PLAT: variants seen among roughly 807,000 people sequenced by gnomAD.
PLAT encodes tissue-type plasminogen activator.
Under a neutral mutation model 74.9 loss-of-function variants are expected in PLAT, and 48 were observed. The ratio of observed to expected loss-of-function variants is 0.64; its 90% CI spans 0.51 to 0.82. The LOEUF (loss-of-function observed/expected upper bound fraction) is 0.82. PLAT is among the 40% of genes least tolerant of loss of function. The pLI is 0.00. For missense variants in PLAT, 673 were observed against 736.2 expected, an observed-to-expected ratio of 0.91 and a Z score of 0.99; for synonymous variants, 307 against 294.4, an observed-to-expected ratio of 1.04 and a Z score of -0.44.
chr8:42,183,507 A>G (rs765321773), intron 7 of PLAT, among the ~76,000 whole-genome samples: 27 of 152,138 alleles, frequency 1.8e-4, no homozygotes, highest in Non-Finnish European at 3.4e-4. Context: ...GTTACTTAAC[A>G]GGCTGCAGTG....
chr8:42,176,776 C>T (rs529168579), intron 13 of PLAT, among the ~76,000 whole-genome samples: 12 of 152,212 alleles, frequency 7.9e-5, no homozygotes, highest in African/African-American at 2.9e-4. Context: ...CTATTATGGC[C>T]GCCATCATTC....
At position 42,202,090 on chromosome 8, in the gene PLAT, G is replaced by A. The variant is rs1806152580; in HGVS notation, c.-27+5404C>T. Among the ~76,000 whole-genome samples the A allele has an allele frequency of 1.3e-5, 2 of 152,110 alleles. 1 individual carries two copies. Among genetic ancestry groups the A allele is most frequent in the South Asian group, 4.1e-4 (2 of 4,828 alleles). On this transcript the variant is annotated intron_variant, in intron 1 of 13. Transcript: ENST00000220809. ...ACTGGAGTGCAGTGGCGTGATCACA[G>A]CTCACTGCAGTTTCAACCTCCCTGG...
At chr8:42,187,713 A>G (rs1482083694) in intron 5 of PLAT, 141 bp from the exon 6 acceptor site, 4 of 863,086 alleles carry the variant, frequency 4.6e-6, no homozygotes, top group African/African-American at 1.7e-5. Context: ...CAAGGGTGCC[A>G]GCCTGGATTC....
chr8:42,206,189 AT>A (rs1563266647), intron 1 of PLAT, among the ~76,000 whole-genome samples: 1 of 152,176 alleles, frequency 6.6e-6, no homozygotes, highest in Non-Finnish European at 1.5e-5. Flanking sequence ...GGCAGCTTTC[AT>A]TTGCTCCTGA....
chr8:42,182,880 G>A lies in PLAT; in HGVS notation c.642C>T (p.Asp214=). The A allele has an allele frequency of 6.2e-7, 1 of 1,606,490 alleles. No homozygotes were observed. The highest frequency in any genetic ancestry group is 1.7e-5 in the Admixed American group (1 of 57,366). ...STPACSEGNS[D]CYFGNGSAYR... ...AGGCTGACCCATTCCCAAAGTAGCA[G>A]TCACTGTTTCCTAGAAGAAAAGAAT... Residue 214 remains aspartate, a synonymous_variant, in exon 8 of 14, where the codon GAC becomes GAT. Coordinates refer to ENST00000220809, the MANE Select transcript of PLAT (RefSeq NM_000930.5).
At chr8:42,196,871 G>A (rs1194778393) in intron 1 of PLAT, among the ~76,000 whole-genome samples, 1 of 151,506 alleles carries the variant, frequency 6.6e-6, no homozygotes, top group African/African-American at 2.4e-5. Flanking sequence ...AGGAAGGAAG[G>A]GGGTAGGAAG....
rs1805148310 is a variant in PLAT at position 42,179,913 on chromosome 8, TC to T, written c.1363+12del. On this transcript the variant is annotated intron_variant, in intron 12 of 13. Coordinates refer to ENST00000220809, the MANE Select transcript of PLAT (RefSeq NM_000930.5). ...CCGCAGACAGGATGGGGCCGAGACTTCCTTCCACTTACAGGCCTCATGCTTG... is the reference window on the plus strand; with the variant it reads ...CCGCAGACAGGATGGGGCCGAGACTTCTTCCACTTACAGGCCTCATGCTTG... 1.9e-6 allele frequency: 3 copies of T among 1,570,658 alleles called. No individual in the cohort carries two copies. Among genetic ancestry groups the T allele is most frequent in the African/African-American group, 1.3e-5 (1 of 74,100 alleles).
intron 3 of PLAT, among the ~76,000 whole-genome samples, chr8:42,190,616 A>G (rs1805646736): frequency 6.6e-6 from 1 of 152,192 alleles, no homozygotes. Context: ...AGGCATTAAG[A>G]GTCCAGGTGT....
intron 12 of PLAT, 44 bp downstream of exon 12, chr8:42,179,882 G>C (rs1325465594): frequency 1.3e-6 from 2 of 1,512,698 alleles, no homozygotes; most frequent in East Asian, 2.3e-5. Flanking sequence ...AGCCTCCCCT[G>C]CTGTCCCGCA....
rs113990683 is a variant in PLAT, at chr8:42,202,186, ATT to A, written c.-27+5306_-27+5307del. Among the ~76,000 whole-genome samples, 42 of 140,684 alleles carry A rather than the reference ATT, an allele frequency of 3.0e-4. 1 individual carries two copies. Among genetic ancestry groups the A allele is most frequent in the African/African-American group, 9.8e-4 (38 of 38,672 alleles). The allele number at this position is 140,684 out of a possible 152,430, so 92.3% of individuals were successfully genotyped here. A position where few individuals can be genotyped will look rare whatever the true frequency, so the allele number is the denominator to read the frequency against. On this transcript the variant is annotated intron_variant, in intron 1 of 13. Transcript: ENST00000220809. ...AGGTGCGTGCCACCATGTCTGGCTAATTTTTTTTTTTTTTTCATTTTTTTGTA... is the reference window on the plus strand; with the variant it reads ...AGGTGCGTGCCACCATGTCTGGCTAATTTTTTTTTTTTTCATTTTTTTGTA...
At chr8:42,194,433 A>G (rs1186097338) in intron 1 of PLAT, among the ~76,000 whole-genome samples, 3 of 151,904 alleles carry the variant, frequency 2.0e-5, no homozygotes, top group Non-Finnish European at 2.9e-5. Flanking sequence ...ATAATACTCC[A>G]CTGTGGGATA....
Position 42,181,945 on chromosome 8 carries a change from G to T in PLAT, c.881C>A (p.Pro294His). The T allele has an allele frequency of 6.2e-7, 1 of 1,606,340 alleles. No homozygotes were observed. The highest frequency in any genetic ancestry group is 8.5e-7 in the Non-Finnish European group (1 of 1,172,892). ...CGGGGCCCAGCCCTTACAGCAGGAGGGCACATCACAGTACTCCCACGTCAG... is the reference window on the plus strand; with the variant it reads ...CGGGGCCCAGCCCTTACAGCAGGAGTGCACATCACAGTACTCCCACGTCAG... ...RRLTWEYCDVPSCSTCGLRQY... is the reference protein window; with the variant it reads ...RRLTWEYCDVHSCSTCGLRQY... The change falls in exon 9 of 14, where the codon CCC (proline) becomes CAC (histidine). Residue 294 changes from proline to histidine, a missense_variant. By Grantham distance (77) the Pro-to-His change is moderately conservative (BLOSUM62 -2). Transcript: ENST00000220809.
chr8:42,189,104 T>C, intron 3 of PLAT, 33 bp from the exon 4 acceptor site: 1 of 1,601,326 alleles, frequency 6.2e-7, no homozygotes, highest in Admixed American at 1.7e-5. Flanking sequence ...CTCATCAGAG[T>C]ATGACTCAAA....
At chr8:42,204,672 G>C (rs557028040) in intron 1 of PLAT, among the ~76,000 whole-genome samples, 20 of 147,884 alleles carry the variant, frequency 1.4e-4, no homozygotes, top group African/African-American at 5.0e-4. Flanking sequence ...CCAAGATTGT[G>C]CCACTGCACC....
chr8:42,196,995 G>A (rs1047052425), intron 1 of PLAT, among the ~76,000 whole-genome samples: 1 of 152,144 alleles, frequency 6.6e-6, no homozygotes, highest in Non-Finnish European at 1.5e-5. Flanking sequence ...GAGAGGAGAG[G>A]TGGAATGCTG....
intron 9 of PLAT, 27 bp from the exon 10 acceptor site, chr8:42,180,712 T>G (rs1361059649): frequency 9.8e-6 from 15 of 1,529,864 alleles, no homozygotes; most frequent in South Asian, 2.5e-5. Context: ...GAGGAGGCAG[T>G]CAGTCCCACA....
chr8:42,178,825 G>T, intron 13 of PLAT, 72 bp downstream of exon 13: 3 of 1,430,476 alleles, frequency 2.1e-6, no homozygotes, highest in South Asian at 1.3e-5. Context: ...TTTTTCTTTG[G>T]TGAAGAACCT....
intron 7 of PLAT, 95 bp downstream of exon 7, chr8:42,184,984 CCT>C: frequency 2.7e-6 from 2 of 749,418 alleles, no homozygotes. Context: ...CTGGCCTCCC[CCT>C]TTCTCCCCTC....
chr8:42,188,061 G>C, intron 4 of PLAT, 45 bp from the exon 5 acceptor site: 1 of 1,166,130 alleles, frequency 8.6e-7, no homozygotes. Context: ...GCCTCCTTCT[G>C]TGTGCTCAGG....
Sources: allele counts gnomAD v4.1 joint callset (sites outside exome capture counted in the v4.1 genomes callset), GRCh38; gene constraint gnomAD v4.1.1; transcripts MANE v1.5; gene names NCBI Gene and HGNC (gene_info 2026-07-23, HGNC 2026-07-21).